The following RIN2 variants were observed in gnomAD, a reference collection of about 807,000 sequenced individuals.
The protein encoded by RIN2 is Ras and Rab interactor 2, also known as RAB5 interacting protein 2.
In RIN2, 36 loss-of-function variants were observed where a neutral mutation model predicts 78.0. The ratio of observed to expected loss-of-function variants is 0.46; its 90% CI spans 0.35 to 0.61. The LOEUF (loss-of-function observed/expected upper bound fraction) is 0.61, where lower values mean the gene tolerates loss of function less well. Ranked by LOEUF, RIN2 falls within the 20% of genes least tolerant of loss-of-function variation. RIN2 has a pLI of 0.00. For synonymous variants in RIN2, 466 were observed against 466.8 expected, an observed-to-expected ratio of 1.00 and a Z score of 0.02; for missense variants, 1,087 against 1,159.7, an observed-to-expected ratio of 0.94 and a Z score of 0.91.
At chr20:19,794,532 C>CAAAAAAAAAAAAA (rs10530809) in intron 1 of RIN2, among the ~76,000 whole-genome samples, 1 of 88,596 alleles carries the variant, frequency 1.1e-5, no homozygotes. Flanking sequence ...ACCCTGTATC[C>CAAAAAAAAAAAAA]AAAAAAAAAA....
chr20:19,921,923 C>T (rs369949), intron 3 of RIN2, among the ~76,000 whole-genome samples: 36,283 of 151,962 alleles, frequency 0.24, 5,205 homozygotes, highest in East Asian at 0.54. Flanking sequence ...TGGAGTGCAG[C>T]GGCACAATCT....
intron 2 of RIN2, among the ~76,000 whole-genome samples, chr20:19,852,960 T>C (rs6046370): frequency 0.5 from 75,861 of 150,368 alleles, 21,466 homozygotes; most frequent in African/African-American, 0.77. Context: ...TGTATACATG[T>C]GCCATGTTGG....
chr20:19,960,642 C>A, intron 5 of RIN2, 58 bp from the exon 6 acceptor site: 1 of 1,268,126 alleles, frequency 7.9e-7, no homozygotes, highest in Non-Finnish European at 1.1e-6. Flanking sequence ...AAACCAGATG[C>A]TTGGGTTCCA....
chr20:19,825,334 C>T (rs949578255), intron 2 of RIN2, among the ~76,000 whole-genome samples: 2 of 152,164 alleles, frequency 1.3e-5, no homozygotes, highest in Admixed American at 1.3e-4. Context: ...GGTCTGAGGC[C>T]CTCTGCCTCC....
At chr20:19,846,706 T>G (rs891851333) in intron 2 of RIN2, among the ~76,000 whole-genome samples, 1 of 152,238 alleles carries the variant, frequency 6.6e-6, no homozygotes, top group Non-Finnish European at 1.5e-5. Context: ...TGAATATGCT[T>G]TATTTCTTTC....
At chr20:19,830,847 A>C (rs368569372) in intron 2 of RIN2, among the ~76,000 whole-genome samples, 43 of 152,304 alleles carry the variant, frequency 2.8e-4, no homozygotes, top group African/African-American at 9.9e-4. Context: ...GGATACCCAC[A>C]TCCAGCGATG....
chr20:19,762,995 C>A (rs1330635148), intron 1 of RIN2, among the ~76,000 whole-genome samples: 1 of 152,084 alleles, frequency 6.6e-6, no homozygotes, highest in South Asian at 2.1e-4. Context: ...GAACTCCTGA[C>A]CTCGGGTAAT....
At chr20:19,960,417 C>T (rs994129510) in intron 5 of RIN2, among the ~76,000 whole-genome samples, 5 of 152,218 alleles carry the variant, frequency 3.3e-5, no homozygotes, top group African/African-American at 7.2e-5. Context: ...AGCAGTAAAA[C>T]AGTCACTGAA....
intron 10 of RIN2, among the ~76,000 whole-genome samples, chr20:19,991,118 G>A (rs2042785863): frequency 6.6e-6 from 1 of 152,188 alleles, no homozygotes; most frequent in Non-Finnish European, 1.5e-5. Context: ...AGAAGCAGCA[G>A]AGAGAAAACA....
chr20:19,855,622 C>T (rs2037138995), intron 2 of RIN2, among the ~76,000 whole-genome samples: 1 of 152,186 alleles, frequency 6.6e-6, no homozygotes, highest in Non-Finnish European at 1.5e-5. Flanking sequence ...AAGTTTGCAA[C>T]TGGACATCCT....
intron 2 of RIN2, among the ~76,000 whole-genome samples, chr20:19,827,135 C>G (rs574238865): frequency 3.3e-5 from 5 of 152,152 alleles, no homozygotes; most frequent in Non-Finnish European, 7.4e-5. Context: ...GCTACCATAC[C>G]TAGCTAATTT....
chr20:19,776,004 G>A (rs7262886), intron 1 of RIN2, among the ~76,000 whole-genome samples: 27 of 152,332 alleles, frequency 1.8e-4, no homozygotes, highest in South Asian at 1.0e-3. Context: ...TTACCCAGGC[G>A]TTCTCTGGCC....
chr20:19,782,423 G>A (rs1052456897), intron 1 of RIN2, among the ~76,000 whole-genome samples: 1 of 151,984 alleles, frequency 6.6e-6, no homozygotes, highest in Non-Finnish European at 1.5e-5. Context: ...AAATTATCCA[G>A]GCGTGGTGAT....
At chr20:19,948,365 A>T (rs1157111708) in intron 4 of RIN2, among the ~76,000 whole-genome samples, 1 of 152,186 alleles carries the variant, frequency 6.6e-6, no homozygotes, top group Non-Finnish European at 1.5e-5. Context: ...ATGATCTAAC[A>T]GTCTGCTATA....
chr20:19,797,214 C>A (rs116705050), intron 1 of RIN2, among the ~76,000 whole-genome samples: 1,741 of 152,290 alleles, frequency 0.011, 41 homozygotes, highest in African/African-American at 0.04. Flanking sequence ...CTGCACACAG[C>A]AAATTAGCTG....
At chr20:19,780,142 G>C (rs540053806) in intron 1 of RIN2, among the ~76,000 whole-genome samples, 7 of 152,302 alleles carry the variant, frequency 4.6e-5, no homozygotes, top group African/African-American at 1.7e-4. Context: ...ATGTGATTCA[G>C]AGCATGAATT....
chr20:19,892,629 G>T (rs1042879938), intron 3 of RIN2, among the ~76,000 whole-genome samples: 2 of 151,818 alleles, frequency 1.3e-5, no homozygotes, highest in Non-Finnish European at 2.9e-5. Context: ...CTCCCACCCT[G>T]GCCTCCCAAA....
At chr20:19,804,659 AT>A (rs201553913) in intron 2 of RIN2, among the ~76,000 whole-genome samples, 2 of 151,734 alleles carry the variant, frequency 1.3e-5, no homozygotes, top group Non-Finnish European at 2.9e-5. Flanking sequence ...CTGAAGTTTT[AT>A]TTTTTTGTTG....
intron 3 of RIN2, among the ~76,000 whole-genome samples, chr20:19,921,849 GTTGT>G (rs71198035): frequency 0.26 from 38,713 of 150,386 alleles, 5,202 homozygotes; most frequent in East Asian, 0.46. Context: ...GGATCTGTCG[GTTGT>G]TTGTTTGTTT....
Sources: allele counts gnomAD v4.1 joint callset (sites outside exome capture counted in the v4.1 genomes callset), GRCh38; gene constraint gnomAD v4.1.1; transcripts MANE v1.5; gene names NCBI Gene and HGNC (gene_info 2026-07-23, HGNC 2026-07-21).